FHIT: variants seen among roughly 807,000 people sequenced by gnomAD.
FHIT encodes bis(5'-adenosyl)-triphosphatase.
In FHIT, 19 loss-of-function variants were observed where a neutral mutation model predicts 17.9. The observed-to-expected ratio is 1.06, with a 90% confidence interval of 0.74 to 1.56. The LOEUF (loss-of-function observed/expected upper bound fraction) is 1.56, where lower values mean the gene tolerates loss of function less well. Among genes scored for constraint, FHIT ranks in the 40% most tolerant of loss-of-function variants. The pLI is 0.00. For missense variants in FHIT, 248 were observed against 189.2 expected, an observed-to-expected ratio of 1.31 and a Z score of -1.82; for synonymous variants, 81 against 69.7, an observed-to-expected ratio of 1.16 and a Z score of -0.81.
At chr3:61,152,010 A>T (rs1045549470) in intron 2 of FHIT, among the ~76,000 whole-genome samples, 6 of 152,216 alleles carry the variant, frequency 3.9e-5, no homozygotes, top group Non-Finnish European at 8.8e-5. Context: ...ATTGTAAGCC[A>T]CTTCCCTTTT....
intron 4 of FHIT, among the ~76,000 whole-genome samples, chr3:60,744,465 T>C (rs1553714823): frequency 2.0e-5 from 3 of 152,236 alleles, no homozygotes; most frequent in South Asian, 4.2e-4. Context: ...CACAACTTTG[T>C]TCTAATAGGG....
chr3:59,951,775 G>C (rs959637539), intron 7 of FHIT, among the ~76,000 whole-genome samples: 1 of 152,048 alleles, frequency 6.6e-6, no homozygotes, highest in Non-Finnish European at 1.5e-5. Flanking sequence ...GATGTCCCCA[G>C]TTACATCACC....
At chr3:60,322,317 A>G (rs1709470159) in intron 5 of FHIT, among the ~76,000 whole-genome samples, 1 of 152,226 alleles carries the variant, frequency 6.6e-6, no homozygotes, top group African/African-American at 2.4e-5. Context: ...TACAATGTGA[A>G]GGTGGTTTTG....
At chr3:60,839,230 T>G (rs2106853552) in intron 3 of FHIT, among the ~76,000 whole-genome samples, 1 of 152,302 alleles carries the variant, frequency 6.6e-6, no homozygotes, top group Admixed American at 6.5e-5. Context: ...TTAAAGTAGC[T>G]TTTCCATGAA....
rs569226565 is a variant in FHIT at position 60,592,170 on chromosome 3, AT to A, written c.-17-55192del. Among the ~76,000 whole-genome samples, 6 of 147,684 alleles carry A rather than the reference AT, an allele frequency of 4.1e-5. No individual in the cohort carries two copies. The East Asian group carries it at 9.9e-4, about 24-fold the overall frequency. On this transcript the variant is annotated intron_variant, in intron 4 of 9. Transcript: ENST00000492590. ...CAAAATTAGGTAGAATATATATATTATTATATATATATTATCTCTCTATATA... is the reference window on the plus strand; with the variant it reads ...CAAAATTAGGTAGAATATATATATTATATATATATATTATCTCTCTATATA...
chr3:61,061,698 T>C (rs1467697762), intron 2 of FHIT, among the ~76,000 whole-genome samples: 1 of 152,126 alleles, frequency 6.6e-6, no homozygotes, highest in East Asian at 1.9e-4. Flanking sequence ...CACATGACAT[T>C]GTCCCTCGGG....
At chr3:60,124,065 GAGAGAGAT>G (rs1559654061) in intron 5 of FHIT, among the ~76,000 whole-genome samples, 1 of 108,274 alleles carries the variant, frequency 9.2e-6, no homozygotes. Flanking sequence ...GACAGAGAGA[GAGAGAGAT>G]ACAAAGTCTC....
At chr3:60,491,992 A>G (rs904853178) in intron 5 of FHIT, among the ~76,000 whole-genome samples, 1 of 152,218 alleles carries the variant, frequency 6.6e-6, no homozygotes, top group African/African-American at 2.4e-5. Flanking sequence ...AACCTCGTTT[A>G]TGTGAAACAA....
At chr3:60,989,342 G>A (rs1258508929) in intron 3 of FHIT, among the ~76,000 whole-genome samples, 1 of 151,360 alleles carries the variant, frequency 6.6e-6, no homozygotes, top group Non-Finnish European at 1.5e-5. Flanking sequence ...TTTTTGGAGA[G>A]ACAGGGGTCT....
At chr3:60,122,177 G>A (rs1319516660) in intron 5 of FHIT, among the ~76,000 whole-genome samples, 2 of 151,924 alleles carry the variant, frequency 1.3e-5, no homozygotes, top group Non-Finnish European at 2.9e-5. Context: ...CAACTCAAAT[G>A]TACTGCTAAT....
At chr3:61,110,037 G>A (rs1193463688) in intron 2 of FHIT, among the ~76,000 whole-genome samples, 2 of 152,160 alleles carry the variant, frequency 1.3e-5, no homozygotes, top group African/African-American at 4.8e-5. Flanking sequence ...GCTTCTGCCT[G>A]TGATCCTGGA....
At chr3:60,404,284 T>C (rs947333623) in intron 5 of FHIT, among the ~76,000 whole-genome samples, 1 of 152,060 alleles carries the variant, frequency 6.6e-6, no homozygotes, top group African/African-American at 2.4e-5. Flanking sequence ...AGGTTCAAAA[T>C]GTCAGATTTT....
At chr3:60,649,652 A>T (rs1157275118) in intron 4 of FHIT, among the ~76,000 whole-genome samples, 5 of 152,156 alleles carry the variant, frequency 3.3e-5, no homozygotes, top group African/African-American at 9.7e-5. Context: ...TATGTGTGTG[A>T]ATAAGAACGT....
chr3:60,096,883 T>C (rs576819564), intron 5 of FHIT, among the ~76,000 whole-genome samples: 143 of 151,752 alleles, frequency 9.4e-4, no homozygotes, highest in African/African-American at 3.3e-3. Flanking sequence ...CTTTAGGGTA[T>C]AAAAGGAATG....
chr3:61,006,446 A>C (rs1011804121), intron 3 of FHIT, among the ~76,000 whole-genome samples: 3 of 152,218 alleles, frequency 2.0e-5, no homozygotes, highest in African/African-American at 7.2e-5. Flanking sequence ...TATTTCACGA[A>C]TCCAAGGTGA....
chr3:60,605,241 A>T (rs1222904835), intron 4 of FHIT, among the ~76,000 whole-genome samples: 1 of 152,164 alleles, frequency 6.6e-6, no homozygotes, highest in African/African-American at 2.4e-5. Context: ...TTTGCAAATT[A>T]AAGGTGTAAT....
intron 2 of FHIT, among the ~76,000 whole-genome samples, chr3:61,143,628 G>A (rs2037146785): frequency 2.0e-5 from 3 of 152,326 alleles, no homozygotes; most frequent in Non-Finnish European, 4.4e-5. Context: ...CGCTCTGGGA[G>A]GCCGAGGCGG....
Position 61,153,455 on chromosome 3 carries a change from C to A in FHIT, c.-164+47162G>T, listed in dbSNP as rs545155646. 7.2e-5 allele frequency among the ~76,000 whole-genome samples: 11 copies of A among 152,130 alleles called. No individual in the cohort carries two copies. In the South Asian group the frequency reaches 1.9e-3, roughly 26 times the overall value. On this transcript the variant is annotated intron_variant, in intron 2 of 9. Transcript: ENST00000492590. Reference sequence around the variant, plus strand: ...TAAACAAATGACTGATGATAGTGAACCCCCAGTTGGAAAAAGTCAAAATTG... The same window carrying A: ...TAAACAAATGACTGATGATAGTGAAACCCCAGTTGGAAAAAGTCAAAATTG...
intron 3 of FHIT, among the ~76,000 whole-genome samples, chr3:60,962,115 T>G (rs1709485197): frequency 6.6e-6 from 1 of 152,318 alleles, no homozygotes; most frequent in East Asian, 1.9e-4. Flanking sequence ...TGAGCAGTGG[T>G]TTGTAGTTCT....
Sources: gnomAD v4.1 joint callset for allele counts (sites outside exome capture counted in the v4.1 genomes callset) on GRCh38, gnomAD v4.1.1 for gene constraint, MANE v1.5 for transcripts, NCBI Gene and HGNC (gene_info 2026-07-23, HGNC 2026-07-21) for gene names.